GPC5: variants seen among roughly 807,000 people sequenced by gnomAD.
GPC5 encodes glypican 5.
In GPC5, 47 loss-of-function variants were observed where a neutral mutation model predicts 53.9. That is an observed-to-expected ratio of 0.87 (90% CI 0.69 to 1.11). The LOEUF (loss-of-function observed/expected upper bound fraction) is 1.11, where lower values mean the gene tolerates loss of function less well. Among genes scored for constraint, GPC5 ranks in the 50% most tolerant of loss-of-function variants. The pLI, the probability that GPC5 is intolerant of heterozygous loss-of-function variation, is 0.00. For synonymous variants in GPC5, 286 were observed against 263.3 expected (o/e 1.09, Z -0.84); for missense variants, 748 against 713.1 (o/e 1.05, Z -0.56).
intron 2 of GPC5, among the ~76,000 whole-genome samples, chr13:91,610,895 A>G (rs2033527897): frequency 2.0e-5 from 3 of 152,190 alleles, no homozygotes; most frequent in African/African-American, 7.2e-5. Context: ...ATGTAGTGTC[A>G]TCTAAGATTC....
intron 6 of GPC5, among the ~76,000 whole-genome samples, chr13:92,123,944 A>AT (rs1297873648): frequency 6.6e-6 from 1 of 152,144 alleles, no homozygotes; most frequent in Non-Finnish European, 1.5e-5. Flanking sequence ...GATGAATAGC[A>AT]TTGAGTTTGC....
chr13:92,783,536 C>A lies in GPC5; in HGVS notation c.1562-82746C>A, dbSNP rs1050986239. Among the ~76,000 whole-genome samples, 6 of 152,114 alleles carry A rather than the reference C, an allele frequency of 3.9e-5. No individual in the cohort carries two copies. The South Asian group carries it at 1.2e-3, about 32-fold the overall frequency. On this transcript the variant is annotated intron_variant, in intron 7 of 7. Transcript: ENST00000377067. ...TATTTGATTGTTCAGGCTTCAGGAG[C>A]TAAACCGTAGTGTTGAAGAGGTACA...
At position 91,942,502 on chromosome 13, in the gene GPC5, C is replaced by A. The variant is rs1389220361; in HGVS notation, c.1401+34445C>A. On this transcript the variant is annotated intron_variant, in intron 6 of 7. Transcript: ENST00000377067. ...TCTAACTCATCCTGACTGAATCAAT[C>A]AAAAAGCTATTACTTTCATACTTGG... 2.6e-5 allele frequency among the ~76,000 whole-genome samples: 4 copies of A among 151,958 alleles called. No individual in the cohort carries two copies. In the East Asian group the frequency reaches 7.7e-4, roughly 29 times the overall value.
At chr13:91,554,876 CA>C (rs2030853627) in intron 2 of GPC5, among the ~76,000 whole-genome samples, 1 of 152,092 alleles carries the variant, frequency 6.6e-6, no homozygotes, top group African/African-American at 2.4e-5. Context: ...GAAGCCCTAA[CA>C]ATCCTCTTCA....
intron 2 of GPC5, among the ~76,000 whole-genome samples, chr13:91,650,852 T>C (rs1379734669): frequency 6.6e-6 from 1 of 151,454 alleles, no homozygotes; most frequent in Non-Finnish European, 1.5e-5. Context: ...TAAAATTTCA[T>C]GGTGAAATTG....
intron 5 of GPC5, among the ~76,000 whole-genome samples, chr13:91,866,561 C>G (rs1594627713): frequency 6.6e-6 from 1 of 152,138 alleles, no homozygotes; most frequent in African/African-American, 2.4e-5. Flanking sequence ...CTTCGGCTCC[C>G]CCTTTGCCTT....
At chr13:92,623,786 G>A (rs575476775) in intron 7 of GPC5, among the ~76,000 whole-genome samples, 1 of 151,776 alleles carries the variant, frequency 6.6e-6, no homozygotes, top group African/African-American at 2.4e-5. Context: ...TCTGAGCATA[G>A]TAAATTTTTC....
At chr13:92,851,725 A>G (rs1416928070) in intron 7 of GPC5, among the ~76,000 whole-genome samples, 5 of 84,706 alleles carry the variant, frequency 5.9e-5, no homozygotes, top group African/African-American at 1.8e-4. Context: ...ACTAAAAATG[A>G]AAAAAAAAAA....
chr13:91,519,689 T>A (rs971482763), intron 2 of GPC5, among the ~76,000 whole-genome samples: 2 of 152,174 alleles, frequency 1.3e-5, no homozygotes, highest in African/African-American at 2.4e-5. Context: ...TATAGCAGTG[T>A]GAGAATAGAA....
At chr13:92,007,416 C>G (rs1213721684) in intron 6 of GPC5, among the ~76,000 whole-genome samples, 1 of 152,070 alleles carries the variant, frequency 6.6e-6, no homozygotes, top group South Asian at 2.1e-4. Context: ...TAGGTTCATA[C>G]ACGTTTAGGA....
chr13:92,517,500 C>T (rs982022678), intron 7 of GPC5, among the ~76,000 whole-genome samples: 9 of 152,134 alleles, frequency 5.9e-5, no homozygotes, highest in East Asian at 3.9e-4. Context: ...TCCAGAGGAA[C>T]GATCACGCAG....
intron 7 of GPC5, among the ~76,000 whole-genome samples, chr13:92,662,488 A>G (rs1370371432): frequency 6.6e-6 from 1 of 152,264 alleles, no homozygotes; most frequent in Middle Eastern, 3.4e-3. Flanking sequence ...GTCTTCATCA[A>G]AAGTCTTCAG....
At chr13:92,657,139 G>A (rs1376310750) in intron 7 of GPC5, among the ~76,000 whole-genome samples, 5 of 152,146 alleles carry the variant, frequency 3.3e-5, no homozygotes, top group Non-Finnish European at 1.5e-5. Flanking sequence ...ATTTAACTGA[G>A]CTTTGCAGGT....
intron 2 of GPC5, among the ~76,000 whole-genome samples, chr13:91,658,115 T>A (rs183905418): frequency 5.1e-4 from 78 of 152,244 alleles, no homozygotes; most frequent in Non-Finnish European, 9.3e-4. Flanking sequence ...TATTTAAGTT[T>A]ATGAGAGGCT....
chr13:91,758,865 C>T (rs2037350831), intron 5 of GPC5, among the ~76,000 whole-genome samples: 1 of 152,162 alleles, frequency 6.6e-6, no homozygotes, highest in South Asian at 2.1e-4. Context: ...CTTCCAACCT[C>T]ATCACCTTAA....
intron 2 of GPC5, among the ~76,000 whole-genome samples, chr13:91,683,550 G>A (rs1376805502): frequency 2.0e-5 from 3 of 152,098 alleles, no homozygotes; most frequent in Admixed American, 6.5e-5. Context: ...CTGCCTGTCC[G>A]GCTTCCATGC....
intron 6 of GPC5, among the ~76,000 whole-genome samples, chr13:92,139,344 T>C (rs1054084109): frequency 6.6e-6 from 1 of 152,158 alleles, no homozygotes; most frequent in Non-Finnish European, 1.5e-5. Flanking sequence ...GGCTATGCCT[T>C]CTCTTTTGAT....
At chr13:92,514,074 A>G (rs1337171557) in intron 7 of GPC5, among the ~76,000 whole-genome samples, 3 of 147,472 alleles carry the variant, frequency 2.0e-5, no homozygotes, top group Non-Finnish European at 4.4e-5. Flanking sequence ...GAGTAAGGCT[A>G]AAAAAATATA....
At chr13:92,670,864 T>C (rs2139204968) in intron 7 of GPC5, among the ~76,000 whole-genome samples, 1 of 152,280 alleles carries the variant, frequency 6.6e-6, no homozygotes, top group African/African-American at 2.4e-5. Context: ...CTATTCCACC[T>C]TGCAGTCCTG....
Sources: allele counts gnomAD v4.1 joint callset (sites outside exome capture counted in the v4.1 genomes callset), GRCh38; gene constraint gnomAD v4.1.1; transcripts MANE v1.5; gene names NCBI Gene and HGNC (gene_info 2026-07-23, HGNC 2026-07-21).